The following KLHL7 variants were observed in gnomAD, a reference collection of about 807,000 sequenced individuals.
KLHL7 encodes kelch like family member 7, also known as kelch-like protein 7.
In KLHL7, 44 loss-of-function variants were observed where a neutral mutation model predicts 67.4. The observed-to-expected ratio is 0.65, with a 90% CI of 0.51 to 0.84. The LOEUF is 0.84. KLHL7 is among the 40% of genes least tolerant of loss of function. The pLI is 0.00. For synonymous variants in KLHL7, 252 were observed against 243.3 expected (o/e 1.04, Z -0.33); for missense variants, 362 against 718.1 (o/e 0.50, Z 5.67).
intron 3 of KLHL7, 62 bp from the exon 4 acceptor site, chr7:23,124,986 A>G (rs1783513808): frequency 6.8e-7 from 1 of 1,465,970 alleles, no homozygotes; most frequent in African/African-American, 1.4e-5. Flanking sequence ...GATACATTCC[A>G]CAGTAACATT....
intron 2 of KLHL7, among the ~76,000 whole-genome samples, chr7:23,124,306 T>TA (rs200138190): frequency 1.3e-4 from 19 of 148,184 alleles, no homozygotes; most frequent in South Asian, 4.3e-4. Context: ...AGTTAAACTT[T>TA]AAAAAAAAAA....
chr7:23,140,794 A>G lies in KLHL7; in HGVS notation c.468A>G (p.Leu156=), dbSNP rs376208914. 18 of 1,613,806 alleles carry G rather than the reference A, an allele frequency of 1.1e-5. No individual in the cohort carries two copies. The highest frequency in any genetic ancestry group is 1.5e-5 in the Non-Finnish European group (18 of 1,179,932). The change falls in exon 5 of 11, where the codon CTA becomes CTG. Residue 156 remains leucine (L), a synonymous_variant. Transcript: ENST00000339077. The part of the protein sequence containing the change: ...CLGISVLAEC[L]DCPELKATAD... ...GTATAAGTGTGCTAGCGGAGTGTCT[A>G]GATTGTCCTGAATTGAAAGCAACTG...
At chr7:23,108,519 A>G (rs1782738759) in intron 1 of KLHL7, among the ~76,000 whole-genome samples, 1 of 152,186 alleles carries the variant, frequency 6.6e-6, no homozygotes, top group Non-Finnish European at 1.5e-5. Context: ...CGAGAACATG[A>G]CCAGTACACC....
intron 9 of KLHL7, chr7:23,172,286 C>A: frequency 2.4e-6 from 1 of 412,822 alleles, no homozygotes; most frequent in South Asian, 1.7e-5. Context: ...GAATTAATAT[C>A]CTTTAACACT....
intron 6 of KLHL7, among the ~76,000 whole-genome samples, chr7:23,150,878 T>C (rs1784510399): frequency 6.6e-6 from 1 of 152,178 alleles, no homozygotes; most frequent in Admixed American, 6.5e-5. Flanking sequence ...TTTTCATATG[T>C]TTAAGAGTTA....
intron 1 of KLHL7, 94 bp downstream of exon 1, chr7:23,106,240 G>A (rs1008181395): frequency 6.4e-7 from 1 of 1,552,792 alleles, no homozygotes; most frequent in Admixed American, 2.0e-5. Flanking sequence ...CCTGTGGATC[G>A]CGCCCCTCTT....
At chr7:23,170,368 C>A (rs1185284075) in intron 9 of KLHL7, among the ~76,000 whole-genome samples, 1 of 152,056 alleles carries the variant, frequency 6.6e-6, no homozygotes, top group East Asian at 1.9e-4. Flanking sequence ...CATAGAAACA[C>A]AAATAACACA....
rs543018942 is a variant in KLHL7, at chr7:23,169,984, T to G, written c.1379+1947T>G. Among the ~76,000 whole-genome samples, 179 of 152,226 alleles carry G rather than the reference T, an allele frequency of 1.2e-3. 1 individual carries two copies. The highest frequency in any genetic ancestry group is 4.0e-3 in the African/African-American group (168 of 41,534). ...CAGCACTTTGGGAGGCCGAGGCTGG[T>G]GGATCGTCTAAGGTCAGGAGTTCGA... On this transcript the variant is annotated intron_variant, in intron 9 of 10. Transcript: ENST00000339077.
At chr7:23,130,954 A>G (rs1387987832) in intron 4 of KLHL7, among the ~76,000 whole-genome samples, 1 of 152,232 alleles carries the variant, frequency 6.6e-6, no homozygotes, top group Non-Finnish European at 1.5e-5. Flanking sequence ...AATTTACATA[A>G]TGGTTAACAG....
At chr7:23,145,106 AAAAG>A (rs946813032) in intron 6 of KLHL7, among the ~76,000 whole-genome samples, 10 of 152,308 alleles carry the variant, frequency 6.6e-5, no homozygotes, top group African/African-American at 2.4e-4. Context: ...GTCTATTTAA[AAAAG>A]AAAGAAAGAT....
At chr7:23,157,398 C>T (rs148807573) in intron 7 of KLHL7, among the ~76,000 whole-genome samples, 2,392 of 152,278 alleles carry the variant, frequency 0.016, 29 homozygotes, top group Non-Finnish European at 0.024. Flanking sequence ...ATGAGTATCC[C>T]TTAAGCTTCC....
intron 9 of KLHL7, chr7:23,171,302 G>T (rs858263): frequency 0.041 from 6,518 of 159,094 alleles, 191 homozygotes; most frequent in Middle Eastern, 0.082. Context: ...AAACCTTCAG[G>T]AGATTTAGAT....
intron 6 of KLHL7, among the ~76,000 whole-genome samples, chr7:23,147,772 A>T (rs1210634082): frequency 1.3e-5 from 2 of 152,202 alleles, no homozygotes; most frequent in Admixed American, 6.5e-5. Context: ...ATGGTTTCCT[A>T]GACTTGCAGG....
At chr7:23,172,499 TTG>T (rs1785193066) in intron 9 of KLHL7, among the ~76,000 whole-genome samples, 1 of 152,208 alleles carries the variant, frequency 6.6e-6, no homozygotes, top group African/African-American at 2.4e-5. Flanking sequence ...CATTATAAGT[TTG>T]TGTTTTACTT....
chr7:23,148,506 C>T (rs1239971161), intron 6 of KLHL7, among the ~76,000 whole-genome samples: 1 of 151,980 alleles, frequency 6.6e-6, no homozygotes, highest in East Asian at 1.9e-4. Flanking sequence ...GGCCACTTGT[C>T]TCTTTAAATG....
At chr7:23,161,443 C>T (rs1054399504) in intron 7 of KLHL7, among the ~76,000 whole-genome samples, 1 of 152,230 alleles carries the variant, frequency 6.6e-6, no homozygotes, top group African/African-American at 2.4e-5. Context: ...TGTTAAAATA[C>T]TCCTGCAGTG....
intron 4 of KLHL7, among the ~76,000 whole-genome samples, chr7:23,131,796 G>A (rs1054276381): frequency 4.1e-5 from 6 of 146,558 alleles, no homozygotes; most frequent in African/African-American, 1.3e-4. Context: ...TACCATTCCA[G>A]GCCTCTGGTA....
Position 23,167,916 on chromosome 7 carries a change from C to T in KLHL7, c.1258C>T (p.Arg420Cys), listed in dbSNP as rs780705654. The T allele has an allele frequency of 1.9e-5, 31 of 1,613,964 alleles. No individual in the cohort carries two copies. Among genetic ancestry groups the T allele is most frequent in the East Asian group, 4.5e-5 (2 of 44,896 alleles). Reference sequence around the variant, plus strand: ...CACAAAGCCCAGCATGCTGACCCAGCGCTGCAGCCATGGGATGGTGGAAGC... The same window carrying T: ...CACAAAGCCCAGCATGCTGACCCAGTGCTGCAGCCATGGGATGGTGGAAGC... The part of the protein sequence containing the change: ...WHTKPSMLTQ[R>C]CSHGMVEANG... The change falls in exon 9 of 11, where the codon CGC (arginine) becomes TGC (cysteine). Residue 420 changes from arginine (R) to cysteine (C), a missense_variant. Physicochemically the swap from Arg to Cys is radical, Grantham distance 180. Coordinates refer to ENST00000339077, the MANE Select transcript of KLHL7 (RefSeq NM_001031710.3).
rs886062219 is a variant in KLHL7 at position 23,174,530 on chromosome 7, A to T, written c.*232A>T. 7 of 654,176 alleles carry T rather than the reference A, an allele frequency of 1.1e-5. No individual in the cohort carries two copies. The highest frequency in any genetic ancestry group is 1.1e-4 in the African/African-American group (6 of 56,372). The allele number at this position is 654,176 out of a possible 1,614,324, so 40.5% of individuals were successfully genotyped here. ...ATCTAGCAAGAAAACTTGAAAAAGTATAAGCATTTGTTAAAAATGTGAATT... is the reference window on the plus strand; with the variant it reads ...ATCTAGCAAGAAAACTTGAAAAAGTTTAAGCATTTGTTAAAAATGTGAATT... On this transcript the variant is annotated 3_prime_UTR_variant, in exon 11 of 11. Transcript: ENST00000339077.
Sources: allele counts gnomAD v4.1 joint callset (sites outside exome capture counted in the v4.1 genomes callset), GRCh38; gene constraint gnomAD v4.1.1; transcripts MANE v1.5; gene names NCBI Gene and HGNC (gene_info 2026-07-23, HGNC 2026-07-21).